IQGAP3: variants seen among roughly 807,000 people sequenced by gnomAD.
IQGAP3 encodes the protein IQ motif containing GTPase activating protein 3, also known as ras GTPase-activating-like protein IQGAP3.
IQGAP3 carries 165 observed loss-of-function variants against 208.2 expected under a neutral mutation model. The ratio of observed to expected loss-of-function variants is 0.79; its 90% CI spans 0.70 to 0.90. The LOEUF is 0.90. IQGAP3 is among the 40% of genes least tolerant of loss of function. IQGAP3 has a pLI of 0.00. For missense variants in IQGAP3, 1,811 were observed against 2,043.1 expected (o/e 0.89, Z 2.19); for synonymous variants, 703 against 803.6 (o/e 0.87, Z 2.12).
At chr1:156,553,499 C>A (rs564007853) in intron 13 of IQGAP3, among the ~76,000 whole-genome samples, 2 of 152,246 alleles carry the variant, frequency 1.3e-5, no homozygotes, top group South Asian at 4.1e-4. Flanking sequence ...GAAAAACTGT[C>A]CCTACTATGT....
chr1:156,554,058 G>A (rs1675697346), intron 13 of IQGAP3, among the ~76,000 whole-genome samples, 177 bp downstream of exon 13: 1 of 152,262 alleles, frequency 6.6e-6, no homozygotes, highest in African/African-American at 2.4e-5. Flanking sequence ...GAATGACTGT[G>A]ATCCCATCCA....
chr1:156,571,528 T>G (rs1676643685), intron 1 of IQGAP3, among the ~76,000 whole-genome samples: 1 of 152,136 alleles, frequency 6.6e-6, no homozygotes. Flanking sequence ...AGGAAAGCCA[T>G]CAGTTCCTCC....
intron 32 of IQGAP3, 26 bp downstream of exon 32, chr1:156,532,954 C>T: frequency 1.2e-6 from 2 of 1,613,124 alleles, no homozygotes; most frequent in African/African-American, 1.3e-5. Context: ...CTCAGGTATG[C>T]AGGGGCAGAG....
At chr1:156,563,889 TG>T in intron 5 of IQGAP3, 65 bp from the exon 6 acceptor site, 1 of 1,402,220 alleles carries the variant, frequency 7.1e-7, no homozygotes, top group Non-Finnish European at 1.0e-6. Context: ...CTGCCCACGA[TG>T]GGTTTGAAGG....
chr1:156,556,416 C>T (rs1675821504), intron 12 of IQGAP3, 117 bp downstream of exon 12: 1 of 943,470 alleles, frequency 1.1e-6, no homozygotes, highest in Admixed American at 2.2e-5. Context: ...CTTTCCCCAT[C>T]CTAATCTCGT....
intron 2 of IQGAP3, among the ~76,000 whole-genome samples, chr1:156,567,115 C>T (rs1356675599): frequency 6.6e-6 from 1 of 152,218 alleles, no homozygotes; most frequent in Non-Finnish European, 1.5e-5. Flanking sequence ...GATCCGCCCG[C>T]CTTGGCCTCC....
intron 32 of IQGAP3, among the ~76,000 whole-genome samples, chr1:156,532,669 G>A (rs1296315243): frequency 6.6e-6 from 1 of 152,158 alleles, no homozygotes; most frequent in Non-Finnish European, 1.5e-5. Flanking sequence ...GCAACATGGC[G>A]AGACTCTGTC....
Position 156,527,375 on chromosome 1 carries a change from A to G in IQGAP3, c.4782+577T>C, listed in dbSNP as rs184665226. Among the ~76,000 whole-genome samples the G allele has an allele frequency of 1.2e-4, 18 of 151,950 alleles. No homozygotes were observed. The East Asian group carries it at 2.8e-3, about 23-fold the overall frequency. On this transcript the variant is annotated intron_variant, in intron 37 of 37. Coordinates refer to ENST00000361170, the MANE Select transcript of IQGAP3 (RefSeq NM_178229.5). ...CGCCTGTAATCCCAGCTACTCAGGA[A>G]GCTGAGGCAGGAGAATCGCTTGAAC...
intron 24 of IQGAP3, 66 bp from the exon 25 acceptor site, chr1:156,539,603 A>T: frequency 1.3e-6 from 2 of 1,532,258 alleles, no homozygotes; most frequent in Non-Finnish European, 1.8e-6. Flanking sequence ...TAGGATAAGG[A>T]AAGGCTTTCC....
chr1:156,559,400 C>T (rs1676045020), intron 11 of IQGAP3, among the ~76,000 whole-genome samples: 1 of 152,200 alleles, frequency 6.6e-6, no homozygotes, highest in Non-Finnish European at 1.5e-5. Flanking sequence ...AGTTTACAAA[C>T]TCTGTGGCTT....
Position 156,525,756 on chromosome 1 carries a change from G to GAAAAAAAAAAAA in IQGAP3, c.*729_*730insTTTTTTTTTTTT, listed in dbSNP as rs1393224692. 6 of 71,112 alleles carry GAAAAAAAAAAAA rather than the reference G, an allele frequency of 8.4e-5. No individual in the cohort carries two copies. The highest frequency in any genetic ancestry group is 4.2e-5 in the African/African-American group (1 of 23,676). 4.4% of individuals were successfully genotyped at this position (71,112 alleles called of 1,614,324 possible). ...AAAAAAAAAAAAAAAAAAAAAAAAT[G>GAAAAAAAAAAAA]AAAGCGTTAAAACCCTGATTAAGTC... On this transcript the variant is annotated 3_prime_UTR_variant, in exon 38 of 38. Coordinates refer to ENST00000361170, the MANE Select transcript of IQGAP3 (RefSeq NM_178229.5).
intron 22 of IQGAP3, among the ~76,000 whole-genome samples, chr1:156,542,134 C>T (rs192803092): frequency 7.2e-5 from 11 of 152,262 alleles, no homozygotes. Context: ...AGGTGAGTGA[C>T]ATGATCACAT....
chr1:156,555,590 T>C (rs1293148478), intron 12 of IQGAP3, among the ~76,000 whole-genome samples: 1 of 152,186 alleles, frequency 6.6e-6, no homozygotes, highest in Non-Finnish European at 1.5e-5. Flanking sequence ...ATAGCTAAAG[T>C]TTACTTTCTT....
rs146063526 is a variant in IQGAP3, at chr1:156,550,345, C to G, written c.1741G>C (p.Gly581Arg). 1.1e-5 allele frequency: 17 copies of G among 1,613,376 alleles called. No individual in the cohort carries two copies. In the African/African-American group the frequency reaches 2.1e-4, roughly 20 times the overall value. Residue 581 changes from glycine to arginine, a missense_variant, in exon 16 of 38, where the codon GGG becomes CGG. Physicochemically the swap from Gly to Arg is moderately radical, Grantham distance 125. Coordinates refer to ENST00000361170, the MANE Select transcript of IQGAP3 (RefSeq NM_178229.5). ...AAKRQKAQVT[G>R]DPGAVLWLEE... ...AGCCACAGCACAGCTCCAGGATCCC[C>G]TGTCACCTGGCAGATTGAGGGAGAA... is the stretch of plus-strand genomic sequence containing the variant.
intron 35 of IQGAP3, 132 bp from the exon 36 acceptor site, chr1:156,528,742 C>A: frequency 9.7e-7 from 1 of 1,029,552 alleles, no homozygotes; most frequent in Non-Finnish European, 1.4e-6. Flanking sequence ...AGGAGGGGGG[C>A]TGCACTTGAG....
chr1:156,550,404 G>T, intron 15 of IQGAP3, 53 bp from the exon 16 acceptor site: 1 of 1,423,144 alleles, frequency 7.0e-7, no homozygotes, highest in Non-Finnish European at 9.8e-7. Context: ...GTCTCTCTAG[G>T]TTCCCAGGCC....
At chr1:156,559,494 G>A (rs1676048612) in intron 11 of IQGAP3, among the ~76,000 whole-genome samples, 1 of 152,222 alleles carries the variant, frequency 6.6e-6, no homozygotes, top group South Asian at 2.1e-4. Context: ...AGTACCTACA[G>A]TGCACTGCTG....
chr1:156,544,567 T>G (rs1018036699), intron 19 of IQGAP3, 95 bp from the exon 20 acceptor site: 41 of 1,018,326 alleles, frequency 4.0e-5, no homozygotes, highest in Non-Finnish European at 6.2e-5. Flanking sequence ...CTCCAGGGAA[T>G]GGAAGGGGGC....
At chr1:156,538,631 G>T (rs1674819886) in intron 26 of IQGAP3, among the ~76,000 whole-genome samples, 178 bp downstream of exon 26, 1 of 152,160 alleles carries the variant, frequency 6.6e-6, no homozygotes, top group South Asian at 2.1e-4. Flanking sequence ...TTATCAGAGG[G>T]GGTCTAAAAG....
Sources: allele counts gnomAD v4.1 joint callset (sites outside exome capture counted in the v4.1 genomes callset), GRCh38; gene constraint gnomAD v4.1.1; transcripts MANE v1.5; gene names NCBI Gene and HGNC (gene_info 2026-07-23, HGNC 2026-07-21).